DLG2: variants seen among roughly 807,000 people sequenced by gnomAD.
The protein encoded by DLG2 is discs large MAGUK scaffold protein 2.
In DLG2, 45 loss-of-function variants were observed where a neutral mutation model predicts 132.5. The ratio of observed to expected loss-of-function variants is 0.34; its 90% CI spans 0.27 to 0.44. DLG2 has a LOEUF of 0.44. Among genes scored for constraint, DLG2 ranks in the 20% least tolerant of loss-of-function variants. The probability of loss-of-function intolerance (pLI) is 1.00; values close to 1 mark genes in which losing one functional copy is unlikely to be tolerated. For synonymous variants in DLG2, 424 were observed against 419.6 expected, an observed-to-expected ratio of 1.01 and a Z score of -0.13; for missense variants, 1,045 against 1,196.9, an observed-to-expected ratio of 0.87 and a Z score of 1.87.
chr11:83,885,266 C>T (rs924196381), intron 15 of DLG2, among the ~76,000 whole-genome samples: 2 of 152,138 alleles, frequency 1.3e-5, no homozygotes, highest in African/African-American at 4.8e-5. Context: ...GCTGATGGAG[C>T]TGAAAGCCAA....
chr11:85,303,290 T>C (rs999714808), intron 3 of DLG2, among the ~76,000 whole-genome samples: 3 of 152,226 alleles, frequency 2.0e-5, no homozygotes, highest in African/African-American at 7.2e-5. Context: ...AACCTTGGAA[T>C]TGTTACCCTA....
intron 19 of DLG2, among the ~76,000 whole-genome samples, chr11:83,593,868 AT>A (rs2097238189): frequency 6.6e-6 from 1 of 152,140 alleles, no homozygotes; most frequent in Non-Finnish European, 1.5e-5. Context: ...TAGTGCTGTC[AT>A]TTGACAGATT....
rs144612737 is a variant in DLG2, at chr11:84,927,257, A to G, written c.357+184404T>C. 2.7e-3 allele frequency among the ~76,000 whole-genome samples: 409 copies of G among 152,148 alleles called. 1 individual carries two copies. Among genetic ancestry groups the G allele is most frequent in the Admixed American group, 7.9e-3 (120 of 15,268 alleles). Reference sequence around the variant, plus strand: ...TTGCTAGACATCTTTTTCCTAATCTATAAAATAAGGAGATTGGACTATCTA... The same window carrying G: ...TTGCTAGACATCTTTTTCCTAATCTGTAAAATAAGGAGATTGGACTATCTA... On this transcript the variant is annotated intron_variant, in intron 6 of 27. Coordinates refer to ENST00000376104, the MANE Select transcript of DLG2 (RefSeq NM_001142699.3).
chr11:84,066,952 C>T (rs2096683213), intron 10 of DLG2, among the ~76,000 whole-genome samples: 1 of 152,100 alleles, frequency 6.6e-6, no homozygotes, highest in Admixed American at 6.6e-5. Context: ...GAAAGCTGAT[C>T]AATGTTTAAT....
rs1555372680 is a variant in DLG2 at position 83,743,449 on chromosome 11, T to TTTTTTTTTTTTTTTTTTTTTTTTTA, written c.1825+43240_1825+43241insTAAAAAAAAAAAAAAAAAAAAAAAA. Among the ~76,000 whole-genome samples, 201 of 124,054 alleles carry TTTTTTTTTTTTTTTTTTTTTTTTTA rather than the reference T, an allele frequency of 1.6e-3. 21 individuals are homozygous for TTTTTTTTTTTTTTTTTTTTTTTTTA. The highest frequency in any genetic ancestry group is 4.9e-3 in the African/African-American group (119 of 24,100). The allele number at this position is 124,054 out of a possible 152,430, so 81.4% of individuals were successfully genotyped here. ...AGGCCATTTTTTTTTTTTTTTTTTT[T>TTTTTTTTTTTTTTTTTTTTTTTTTA]ATGACAGGGTCTCACTTTGTCACCC... On this transcript the variant is annotated intron_variant, in intron 18 of 27. Coordinates refer to ENST00000376104, the MANE Select transcript of DLG2 (RefSeq NM_001142699.3).
chr11:85,290,366 G>C (rs1001990689), intron 3 of DLG2, among the ~76,000 whole-genome samples: 1 of 152,024 alleles, frequency 6.6e-6, no homozygotes, highest in Non-Finnish European at 1.5e-5. Flanking sequence ...TGGGGACATG[G>C]GGCCTGAATT....
chr11:83,845,689 T>C (rs1001305482), intron 16 of DLG2, among the ~76,000 whole-genome samples: 1 of 152,208 alleles, frequency 6.6e-6, no homozygotes, highest in Non-Finnish European at 1.5e-5. Context: ...GTTGGTACTG[T>C]GTGGGATAAA....
At chr11:84,786,887 G>A (rs1317801966) in intron 6 of DLG2, among the ~76,000 whole-genome samples, 1 of 152,144 alleles carries the variant, frequency 6.6e-6, no homozygotes, top group Non-Finnish European at 1.5e-5. Context: ...TTTAATTAGG[G>A]TCCCGGGGGC....
intron 3 of DLG2, among the ~76,000 whole-genome samples, chr11:85,501,680 T>A (rs917619464): frequency 7.3e-5 from 11 of 151,656 alleles, no homozygotes; most frequent in African/African-American, 2.4e-4. Flanking sequence ...GCTCATCATC[T>A]CTGGTCATTA....
At chr11:85,066,170 T>A (rs780328691) in intron 6 of DLG2, among the ~76,000 whole-genome samples, 44 of 151,652 alleles carry the variant, frequency 2.9e-4, no homozygotes, top group South Asian at 6.2e-4. Context: ...ACTATGAGCA[T>A]CTCTATGAAC....
At position 84,170,484 on chromosome 11, in the gene DLG2, T is replaced by C. The variant is rs1048562627; in HGVS notation, c.574-6973A>G. Among the ~76,000 whole-genome samples the C allele has an allele frequency of 2.6e-5, 4 of 152,176 alleles. 1 individual carries two copies. On this transcript the variant is annotated intron_variant, in intron 8 of 27. Transcript: ENST00000376104. ...TAACAAAGCGATAGGAGTGCTATGG[T>C]AGATGTCTATAGACTGCAGCAGCTG...
At chr11:85,359,887 A>G (rs989218475) in intron 3 of DLG2, among the ~76,000 whole-genome samples, 1 of 152,206 alleles carries the variant, frequency 6.6e-6, no homozygotes, top group African/African-American at 2.4e-5. Context: ...GTGATGAGAC[A>G]TGATCATGTC....
intron 8 of DLG2, among the ~76,000 whole-genome samples, chr11:84,197,931 G>GC (rs2096543150): frequency 6.6e-6 from 1 of 152,082 alleles, no homozygotes; most frequent in Non-Finnish European, 1.5e-5. Flanking sequence ...GGCTTCAGCG[G>GC]CCCCACACCA....
chr11:83,691,560 T>G lies in DLG2; in HGVS notation c.1826-58235A>C, dbSNP rs569790154. On this transcript the variant is annotated intron_variant, in intron 18 of 27. Transcript: ENST00000376104. ...ATGCTGGAAACCTCATTACTGGCTCTTTGCCTACAGAAACTCAGCCAGCTT... is the reference window on the plus strand; with the variant it reads ...ATGCTGGAAACCTCATTACTGGCTCGTTGCCTACAGAAACTCAGCCAGCTT... 5.3e-5 allele frequency among the ~76,000 whole-genome samples: 8 copies of G among 152,276 alleles called. No individual in the cohort carries two copies. The South Asian group carries it at 1.7e-3, about 32-fold the overall frequency.
At position 84,476,721 on chromosome 11, in the gene DLG2, A is replaced by G. The variant is rs537393611; in HGVS notation, c.519+57849T>C. ...TTATGTTGTGAGAAGTCCAGGCCAC[A>G]TGGAGAAGCCATGTGTAGCTGTTCC... On this transcript the variant is annotated intron_variant, in intron 7 of 27. Coordinates refer to ENST00000376104, the MANE Select transcript of DLG2 (RefSeq NM_001142699.3). Among the ~76,000 whole-genome samples, 4 of 152,324 alleles carry G rather than the reference A, an allele frequency of 2.6e-5. No individual in the cohort carries two copies. The East Asian group carries it at 7.7e-4, about 29-fold the overall frequency.
intron 6 of DLG2, among the ~76,000 whole-genome samples, chr11:84,761,180 A>C (rs1041970415): frequency 1.3e-5 from 2 of 152,228 alleles, no homozygotes; most frequent in African/African-American, 4.8e-5. Context: ...AGTAACACCT[A>C]AACCAAGCTG....
At position 83,576,305 on chromosome 11, in the gene DLG2, C is replaced by T. The variant is rs144311103; in HGVS notation, c.1941-34447G>A. Among the ~76,000 whole-genome samples the T allele has an allele frequency of 5.7e-3, 873 of 152,158 alleles. 5 individuals carry two copies. Among genetic ancestry groups the T allele is most frequent in the Middle Eastern group, 0.024 (7 of 294 alleles). Reference sequence around the variant, plus strand: ...CACCCTCAAGTAGACTAATAGACCTCTAATTGGAGTTTCCAAAGTGTAGGA... The same window carrying T: ...CACCCTCAAGTAGACTAATAGACCTTTAATTGGAGTTTCCAAAGTGTAGGA... On this transcript the variant is annotated intron_variant, in intron 19 of 27. Coordinates refer to ENST00000376104, the MANE Select transcript of DLG2 (RefSeq NM_001142699.3).
chr11:84,650,881 A>ATATATATATATATATG (rs2099681132), intron 6 of DLG2, among the ~76,000 whole-genome samples: 1 of 125,726 alleles, frequency 8.0e-6, no homozygotes, highest in Non-Finnish European at 1.7e-5. Flanking sequence ...GTGTATATAT[A>ATATATATATATATATG]TATATATATA....
intron 4 of DLG2, among the ~76,000 whole-genome samples, chr11:85,204,813 G>A (rs2081747827): frequency 6.6e-6 from 1 of 152,004 alleles, no homozygotes; most frequent in South Asian, 2.1e-4. Context: ...AAAACATCAT[G>A]GTACTGGCAT....
Sources: gnomAD v4.1 joint callset for allele counts (sites outside exome capture counted in the v4.1 genomes callset) on GRCh38, gnomAD v4.1.1 for gene constraint, MANE v1.5 for transcripts, NCBI Gene and HGNC (gene_info 2026-07-23, HGNC 2026-07-21) for gene names.